The following NDRG2 variants were observed in gnomAD, a reference collection of about 807,000 sequenced individuals.
NDRG2 encodes the protein NDRG family member 2.
Under a neutral mutation model 58.2 loss-of-function variants are expected in NDRG2, and 34 were observed. That is an observed-to-expected ratio of 0.58 (90% CI 0.44 to 0.78). NDRG2 has a LOEUF of 0.78. Ranked by LOEUF, NDRG2 falls within the 30% of genes least tolerant of loss-of-function variation. The pLI is 0.00. For synonymous variants in NDRG2, 187 were observed against 175.9 expected, an observed-to-expected ratio of 1.06 and a Z score of -0.50; for missense variants, 434 against 471.2, an observed-to-expected ratio of 0.92 and a Z score of 0.73.
intron 4 of NDRG2, 36 bp from the exon 5 acceptor site, chr14:21,022,218 A>G: frequency 9.9e-6 from 16 of 1,614,070 alleles, no homozygotes; most frequent in Non-Finnish European, 1.3e-5. Context: ...CAATAGAATC[A>G]GACAGGGACT....
At chr14:21,027,974 G>A (rs768531), upstream of NDRG2, among the ~76,000 whole-genome samples, 104,409 of 152,022 alleles carry the variant, frequency 0.69, 36,181 homozygotes, top group East Asian at 0.82. Flanking sequence ...AGCTTCCCAT[G>A]TATTATCCCC....
chr14:21,070,413 C>A lies in NDRG2; in HGVS notation c.24+415G>T. 7.1e-7 allele frequency: 1 copy of A among 1,416,384 alleles called. No individual in the cohort carries two copies. The highest frequency in any genetic ancestry group is 9.1e-7 in the Non-Finnish European group (1 of 1,094,228). The allele number at this position is 1,416,384 out of a possible 1,614,324, so 87.7% of individuals were successfully genotyped here. On this transcript the variant is annotated intron_variant, in intron 1 of 14. Transcript: ENST00000403829. This position sits in a 1 kb window ranked among gnomAD's most constrained non-coding sequence, Gnocchi z 4.7. ...CGCCGAGCCATGGTGAGTCCAGCGT[C>A]GCAGCCCCCTGGGTCCCCTCGGCCT... is the stretch of plus-strand genomic sequence containing the variant.
At chr14:21,043,456 T>C in intron 1 of NDRG2, 1 of 1,582,102 alleles carries the variant, frequency 6.3e-7, no homozygotes, top group Non-Finnish European at 8.6e-7. Context: ...TTGGACAGAG[T>C]CCTTTAGGTT....
chr14:21,064,061 C>T (rs1167221924), intron 1 of NDRG2, among the ~76,000 whole-genome samples: 1 of 152,194 alleles, frequency 6.6e-6, no homozygotes, highest in African/African-American at 2.4e-5. Context: ...TTCATGACCC[C>T]TGCCCTCCAC....
rs1877210118 is a variant in NDRG2, at chr14:21,017,045, T to C, written c.*551A>G. ...CTCGTTCACTGCCCGCCAACTCCCA[T>C]TCCAACTTCCTTTTTACACTGGATG... On this transcript the variant is annotated 3_prime_UTR_variant, in exon 16 of 16. Coordinates refer to ENST00000556147, the MANE Select transcript of NDRG2 (RefSeq NM_001320329.2). The C allele has an allele frequency of 4.4e-6, 2 of 454,770 alleles. No homozygotes were observed. Among genetic ancestry groups the C allele is most frequent in the South Asian group, 3.1e-5 (2 of 64,486 alleles). 28.2% of individuals were successfully genotyped at this position (454,770 alleles called of 1,614,324 possible).
chr14:21,017,325 A>C lies in NDRG2; in HGVS notation c.*271T>G. 1 of 512,742 alleles carries C rather than the reference A, an allele frequency of 2.0e-6. No homozygotes were observed. Among genetic ancestry groups the C allele is most frequent in the Non-Finnish European group, 3.5e-6 (1 of 281,766 alleles). The allele number at this position is 512,742 out of a possible 1,614,324, so 31.8% of individuals were successfully genotyped here. On this transcript the variant is annotated 3_prime_UTR_variant, in exon 16 of 16. Coordinates refer to ENST00000556147, the MANE Select transcript of NDRG2 (RefSeq NM_001320329.2). Reference sequence around the variant, plus strand: ...ACACCTAGATCAGGACAGAGGATGCATATGCCCTCTCCACCTTAACATCAA... The same window carrying C: ...ACACCTAGATCAGGACAGAGGATGCCTATGCCCTCTCCACCTTAACATCAA...
At chr14:21,043,207 T>C in intron 1 of NDRG2, 1 of 1,614,204 alleles carries the variant, frequency 6.2e-7, no homozygotes, top group Non-Finnish European at 8.5e-7. Context: ...AACACCTTCC[T>C]GCACGAGCCT....
chr14:21,034,084 G>A lies in NDRG2; in HGVS notation c.25-10763C>T, dbSNP rs1250238095. 5 of 1,614,108 alleles carry A rather than the reference G, an allele frequency of 3.1e-6. No individual in the cohort carries two copies. In the South Asian group the frequency reaches 4.4e-5, roughly 14 times the overall value. The stretch of plus-strand genomic sequence containing the variant: ...GCATGTATCACATAATGGATCTTTG[G>A]GCAATCTGAATTTTGCATCTTGCCT... On this transcript the variant is annotated intron_variant, in intron 1 of 14. Transcript: ENST00000403829.
chr14:21,028,828 A>G (rs1883871889), upstream of NDRG2: 1 of 152,158 alleles, frequency 6.6e-6, no homozygotes, highest in South Asian at 2.1e-4. Context: ...GGTGGAAGCA[A>G]TAGGAATGGA....
In NDRG2 at chr14:21,043,272, G is replaced by A. The variant is rs746183803; in HGVS notation, c.25-19951C>T. On this transcript the variant is annotated intron_variant, in intron 1 of 14. Transcript: ENST00000403829. ...CCCCAAAATAGCCTGCAAGAATGGCGATAAAAACTGCCACCAGAGCCACGG... is the reference window on the plus strand; with the variant it reads ...CCCCAAAATAGCCTGCAAGAATGGCAATAAAAACTGCCACCAGAGCCACGG... 7.5e-5 allele frequency: 121 copies of A among 1,614,062 alleles called. No homozygotes were observed. Among genetic ancestry groups the A allele is most frequent in the Admixed American group, 2.7e-4 (16 of 59,996 alleles).
At chr14:21,030,270 C>T (rs528757774), upstream of NDRG2, 10 of 309,778 alleles carry the variant, frequency 3.2e-5, no homozygotes, top group African/African-American at 1.9e-4. Context: ...ATACAAAGGC[C>T]GGGAAGGGTC....
In NDRG2 at chr14:21,017,594, A is replaced by T; in HGVS notation, c.*2T>A. ...GTCCCACTCTAGGGCAACAAGGGCC[A>T]TTCAACAGGAGACCTCCATGGTGTG... On this transcript the variant is annotated 3_prime_UTR_variant, in exon 16 of 16. Transcript: ENST00000556147. 1 of 1,612,992 alleles carries T rather than the reference A, an allele frequency of 6.2e-7. No individual in the cohort carries two copies. The highest frequency in any genetic ancestry group is 1.1e-5 in the South Asian group (1 of 90,746).
chr14:21,035,664 C>A (rs549150256), intron 1 of NDRG2: 2 of 420,746 alleles, frequency 4.8e-6, no homozygotes, highest in Non-Finnish European at 4.8e-6. Flanking sequence ...GGAGTAAGGC[C>A]GCAGAGAGAA....
Position 21,020,497 on chromosome 14 carries a change from T to A in NDRG2, c.554A>T (p.Lys185Met). Residue 185 changes from lysine (K) to methionine (M), a missense_variant and splice_region_variant, in exon 8 of 16, where the codon AAG (lysine) becomes ATG (methionine). By Grantham distance (95) the Lys-to-Met change is moderately conservative (BLOSUM62 -1). Coordinates refer to ENST00000556147, the MANE Select transcript of NDRG2 (RefSeq NM_001320329.2). ...CTCAGCACACAGGCCCCTCCAAACC[T>A]TGTGGGCTGCCCAATCCATCCAACC... Reference protein sequence around the residue: ...AKGWMDWAAHKLTGLTSSIPE... With the variant: ...AKGWMDWAAHMLTGLTSSIPE... 6.2e-7 allele frequency: 1 copy of A among 1,604,844 alleles called. No homozygotes were observed. Among genetic ancestry groups the A allele is most frequent in the Non-Finnish European group, 8.5e-7 (1 of 1,174,416 alleles).
Position 21,024,672 on chromosome 14 carries a change from A to G in NDRG2, c.-649T>C. 1.0e-6 allele frequency: 1 copy of G among 985,318 alleles called. No homozygotes were observed. The highest frequency in any genetic ancestry group is 1.2e-6 in the Non-Finnish European group (1 of 829,954). The allele number at this position is 985,318 out of a possible 1,614,324, so 61.0% of individuals were successfully genotyped here. ...CACAATCTTCTCCCGTTCTCCCCCGACGGCCCGCGAAGGCAAGCGCCATCG... is the reference window on the plus strand; with the variant it reads ...CACAATCTTCTCCCGTTCTCCCCCGGCGGCCCGCGAAGGCAAGCGCCATCG... On this transcript the variant is annotated 5_prime_UTR_variant, in exon 1 of 16. Transcript: ENST00000556147.
intron 1 of NDRG2, among the ~76,000 whole-genome samples, chr14:21,068,928 A>C (rs943990): frequency 6.6e-6 from 1 of 152,174 alleles, no homozygotes; most frequent in African/African-American, 2.4e-5. Flanking sequence ...CCTTGGCGGC[A>C]CCCCCGCCTC....
intron 1 of NDRG2, among the ~76,000 whole-genome samples, chr14:21,067,508 TG>T (rs1276708482): frequency 1.3e-5 from 2 of 152,212 alleles, no homozygotes. Flanking sequence ...GTTCACATCC[TG>T]GTTGCTCATT....
intron 6 of NDRG2, 67 bp from the exon 7 acceptor site, chr14:21,020,911 T>C: frequency 6.6e-7 from 1 of 1,521,598 alleles, no homozygotes; most frequent in Middle Eastern, 1.7e-4. Context: ...AGCCCATCTC[T>C]TCAAACTCTT....
chr14:21,046,167 G>T (rs1566498463), intron 1 of NDRG2, among the ~76,000 whole-genome samples: 4 of 152,120 alleles, frequency 2.6e-5, no homozygotes, highest in South Asian at 2.1e-4. Context: ...AATTTCTATT[G>T]TTCTGTTCTG....
Sources: gnomAD v4.1 joint callset for allele counts (sites outside exome capture counted in the v4.1 genomes callset) on GRCh38, gnomAD v4.1.1 for gene constraint, Gnocchi (gnomAD v3.1) non-coding constraint, MANE v1.5 for transcripts, NCBI Gene and HGNC (gene_info 2026-07-23, HGNC 2026-07-21) for gene names.